Variants in ATP2C1 observed in about 807,000 individuals in gnomAD.
The protein encoded by ATP2C1 is calcium-transporting ATPase type 2C member 1.
Under a neutral mutation model 120.5 loss-of-function variants are expected in ATP2C1, and 31 were observed. The ratio of observed to expected loss-of-function variants is 0.26; its 90% CI spans 0.19 to 0.35. The LOEUF (loss-of-function observed/expected upper bound fraction) is 0.35, where lower values mean the gene tolerates loss of function less well. ATP2C1 is among the 10% of genes least tolerant of loss of function. The pLI is 1.00. For missense variants in ATP2C1, 731 were observed against 1,107.5 expected (o/e 0.66, Z 4.83); for synonymous variants, 351 against 358.7 (o/e 0.98, Z 0.24).
chr3:130,894,041 C>T (rs374167562), upstream of ATP2C1: 10 of 986,412 alleles, frequency 1.0e-5, no homozygotes, highest in Admixed American at 6.1e-5. The surrounding 1 kb of genome is among the most constrained non-coding windows in gnomAD (Gnocchi z 4.5). Flanking sequence ...ACTGGGCGGC[C>T]GGCGGCGGGG....
intron 13 of ATP2C1, 76 bp downstream of exon 13, chr3:130,964,171 C>T: frequency 5.1e-6 from 8 of 1,580,678 alleles, no homozygotes; most frequent in South Asian, 2.2e-5. Flanking sequence ...CAGAGTTTTA[C>T]AGTTTTTATC....
Position 131,002,349 on chromosome 3 carries a change from C to T in ATP2C1, c.*999C>T, listed in dbSNP as rs1238347694. 2 of 985,300 alleles carry T rather than the reference C, an allele frequency of 2.0e-6. No individual in the cohort carries two copies. The highest frequency in any genetic ancestry group is 2.3e-4 in the East Asian group (2 of 8,818). The allele number at this position is 985,300 out of a possible 1,614,324, so 61.0% of individuals were successfully genotyped here. On this transcript the variant is annotated 3_prime_UTR_variant, in exon 28 of 28. Transcript: ENST00000510168. ...TACTGGACTTAGAATAAAAAGTCCC[C>T]AAACCCAAACAAATGGTTTATGAAC...
chr3:130,998,554 T>C (rs2062737736), intron 26 of ATP2C1, among the ~76,000 whole-genome samples, 165 bp downstream of exon 26: 1 of 152,194 alleles, frequency 6.6e-6, no homozygotes, highest in Non-Finnish European at 1.5e-5. Flanking sequence ...TTGGTCACAA[T>C]GAGGATGGGG....
chr3:130,978,784 T>C (rs945091238), intron 18 of ATP2C1, among the ~76,000 whole-genome samples: 1 of 152,226 alleles, frequency 6.6e-6, no homozygotes, highest in Non-Finnish European at 1.5e-5. Flanking sequence ...CAGCCTTCTC[T>C]TCAGAGTGTT....
intron 23 of ATP2C1, 127 bp downstream of exon 23, chr3:130,996,238 C>T (rs2062616545): frequency 2.6e-6 from 2 of 766,672 alleles, no homozygotes; most frequent in Non-Finnish European, 2.2e-6. Context: ...GTCAGTTTTC[C>T]AAAAAGAAAA....
downstream of ATP2C1, chr3:131,003,237 G>C: frequency 2.5e-6 from 2 of 797,816 alleles, no homozygotes; most frequent in Non-Finnish European, 3.0e-6. Flanking sequence ...ATGGATGCTG[G>C]AGAATGCATA....
chr3:131,004,083 A>T (rs2063008023), downstream of ATP2C1, among the ~76,000 whole-genome samples: 1 of 152,234 alleles, frequency 6.6e-6, no homozygotes, highest in Non-Finnish European at 1.5e-5. Context: ...GAACACAGAT[A>T]GCAGGGGATA....
At chr3:130,957,608 G>C (rs963276364) in intron 11 of ATP2C1, among the ~76,000 whole-genome samples, 1 of 152,060 alleles carries the variant, frequency 6.6e-6, no homozygotes, top group South Asian at 2.1e-4. Context: ...GTGCAATGGC[G>C]CAATCCCGGC....
intron 3 of ATP2C1, 117 bp from the exon 4 acceptor site, chr3:130,931,905 C>T (rs892532319): frequency 4.2e-6 from 3 of 711,298 alleles, no homozygotes; most frequent in African/African-American, 1.8e-5. Flanking sequence ...TCATAATAGA[C>T]TAGTTTTGAC....
At chr3:130,873,035 G>A (rs1708290) in intron 1 of ATP2C1, among the ~76,000 whole-genome samples, 136,514 of 152,186 alleles carry the variant, frequency 0.9, 61,556 homozygotes, top group Non-Finnish European at 0.95. Flanking sequence ...AAGAAAGACA[G>A]TTACCTTATT....
intron 8 of ATP2C1, among the ~76,000 whole-genome samples, chr3:130,947,496 T>C (rs925476903): frequency 2.0e-5 from 3 of 152,196 alleles, no homozygotes; most frequent in African/African-American, 7.2e-5. Flanking sequence ...ATGTGCCTAT[T>C]CTGGACATTT....
In ATP2C1 at chr3:130,894,679, T is replaced by C; in HGVS notation, c.-91T>C. 6.2e-7 allele frequency: 1 copy of C among 1,613,290 alleles called. No individual in the cohort carries two copies. The highest frequency in any genetic ancestry group is 8.5e-7 in the Non-Finnish European group (1 of 1,179,532). On this transcript the variant is annotated 5_prime_UTR_variant, in exon 2 of 28. Transcript: ENST00000510168. The surrounding 1 kb of genome is among the most constrained non-coding windows in gnomAD (Gnocchi z 4.5). ...TGGGATTCCGGGGGCTTCTCTTCCTTGTCCTCCTCCTCTCCTCTCTATTCC... is the reference window on the plus strand; with the variant it reads ...TGGGATTCCGGGGGCTTCTCTTCCTCGTCCTCCTCCTCTCCTCTCTATTCC...
chr3:130,863,305 C>T (rs992108784), intron 1 of ATP2C1, among the ~76,000 whole-genome samples: 30 of 152,056 alleles, frequency 2.0e-4, no homozygotes, highest in Non-Finnish European at 3.5e-4. Flanking sequence ...GACTCCTCTG[C>T]CACCATTTAT....
At chr3:130,909,991 C>CCA (rs1360684631) in intron 2 of ATP2C1, among the ~76,000 whole-genome samples, 1 of 152,104 alleles carries the variant, frequency 6.6e-6, no homozygotes, top group East Asian at 1.9e-4. Flanking sequence ...CGGGCATGAG[C>CCA]CACGGCACCC....
At chr3:130,859,935 A>G (rs1476548907) in intron 1 of ATP2C1, among the ~76,000 whole-genome samples, 2 of 152,244 alleles carry the variant, frequency 1.3e-5, no homozygotes, top group East Asian at 1.9e-4. Context: ...AATCTAGAAA[A>G]TAAGTGTTTT....
At chr3:130,915,014 G>T (rs911556390) in intron 2 of ATP2C1, among the ~76,000 whole-genome samples, 1 of 151,852 alleles carries the variant, frequency 6.6e-6, no homozygotes, top group African/African-American at 2.4e-5. Flanking sequence ...TGACAGGAGG[G>T]TTCCTTCCTA....
rs370826763 is a variant in ATP2C1 at position 130,969,202 on chromosome 3, A to G, written c.1309-90A>G. ...TATTAACTGAAAAATAATCCAGCCA[A>G]CCTAGTTACAAGTGGTGACCCTTGT... On this transcript the variant is annotated intron_variant, in intron 16 of 27. Transcript: ENST00000510168. 22 of 840,720 alleles carry G rather than the reference A, an allele frequency of 2.6e-5. No individual in the cohort carries two copies. In the African/African-American group the frequency reaches 2.7e-4, roughly 10 times the overall value. The allele number at this position is 840,720 out of a possible 1,614,324, so 52.1% of individuals were successfully genotyped here.
intron 5 of ATP2C1, among the ~76,000 whole-genome samples, chr3:130,936,153 A>G (rs2108397640): frequency 6.6e-6 from 1 of 152,318 alleles, no homozygotes; most frequent in South Asian, 2.1e-4. Flanking sequence ...ATAGCATCCC[A>G]GTATTTAAGA....
downstream of ATP2C1, among the ~76,000 whole-genome samples, chr3:131,004,293 T>C (rs2063017299): frequency 6.6e-6 from 1 of 152,250 alleles, no homozygotes; most frequent in Non-Finnish European, 1.5e-5. Flanking sequence ...TAAAACGTGG[T>C]ATGGATGTTC....
Sources: gnomAD v4.1 joint callset for allele counts (sites outside exome capture counted in the v4.1 genomes callset) on GRCh38, gnomAD v4.1.1 for gene constraint, Gnocchi (gnomAD v3.1) non-coding constraint, MANE v1.5 for transcripts, NCBI Gene and HGNC (gene_info 2026-07-23, HGNC 2026-07-21) for gene names.